The following ADGRF1 variants were observed in gnomAD, a reference collection of about 807,000 sequenced individuals.
The protein encoded by ADGRF1 is G protein-coupled receptor 110.
A neutral mutation model predicts 87.2 loss-of-function variants in ADGRF1; 85 were observed. The observed-to-expected ratio is 0.97, with a 90% CI of 0.82 to 1.17. The LOEUF is 1.17. Ranked by LOEUF, ADGRF1 falls within the 50% of genes most tolerant of loss-of-function variation. ADGRF1 has a pLI of 0.00. For synonymous variants in ADGRF1, 430 were observed against 408.8 expected, an observed-to-expected ratio of 1.05 and a Z score of -0.63; for missense variants, 1,169 against 1,077.2, an observed-to-expected ratio of 1.09 and a Z score of -1.19.
At chr6:47,024,022 C>T in intron 5 of ADGRF1, 22 bp downstream of exon 5, 2 of 1,607,924 alleles carry the variant, frequency 1.2e-6, no homozygotes, top group Non-Finnish European at 1.7e-6. Context: ...AGCCCCAGCC[C>T]AGAGCATTCT....
At chr6:47,041,500 G>A (rs757559321) in intron 1 of ADGRF1, among the ~76,000 whole-genome samples, 1 of 151,904 alleles carries the variant, frequency 6.6e-6, no homozygotes. Flanking sequence ...ACATTACATA[G>A]GCTATCAGGT....
chr6:47,023,976 A>G, intron 5 of ADGRF1, 68 bp downstream of exon 5: 2 of 1,380,894 alleles, frequency 1.4e-6, no homozygotes, highest in Non-Finnish European at 2.0e-6. Context: ...GACAATGAGC[A>G]AGCGTCCCCT....
In ADGRF1 at chr6:47,025,871, C is replaced by T; in HGVS notation, c.260G>A (p.Arg87Lys). ...CACCTTACCTGTGGTAGCCTTTGCT[C>T]TGATAATTCTAATTAGCCCATGTGA... ...LWSHGLIRII[R>K]AKATTDCNSL... is the part of the protein sequence containing the mutation. Residue 87 changes from arginine to lysine, a missense_variant, in exon 4 of 15, where the codon AGA (arginine) becomes AAA (lysine). Arg to Lys is a conservative substitution (Grantham distance 26, BLOSUM62 2). Transcript: ENST00000371253. The T allele has an allele frequency of 6.2e-7, 1 of 1,604,100 alleles. No individual in the cohort carries two copies. The highest frequency in any genetic ancestry group is 8.5e-7 in the Non-Finnish European group (1 of 1,175,212).
chr6:47,020,559 C>A, intron 7 of ADGRF1, 172 bp downstream of exon 7: 2 of 1,507,072 alleles, frequency 1.3e-6, no homozygotes, highest in South Asian at 1.3e-5. Context: ...CTAGGCTTTA[C>A]TCTTCAGACT....
intron 10 of ADGRF1, among the ~76,000 whole-genome samples, chr6:47,011,237 T>C (rs950429683): frequency 1.3e-5 from 2 of 152,258 alleles, no homozygotes; most frequent in Non-Finnish European, 2.9e-5. Flanking sequence ...GTATCTTTTC[T>C]TTAACTCAGG....
intron 11 of ADGRF1, among the ~76,000 whole-genome samples, chr6:47,008,636 A>G (rs1043987409): frequency 2.0e-5 from 3 of 152,096 alleles, no homozygotes; most frequent in African/African-American, 7.2e-5. Flanking sequence ...TCTCTGTTTA[A>G]TTTTTTCCCA....
intron 11 of ADGRF1, among the ~76,000 whole-genome samples, chr6:47,008,299 A>G (rs1321724538): frequency 6.6e-6 from 1 of 152,068 alleles, no homozygotes; most frequent in Admixed American, 6.6e-5. Flanking sequence ...TGCTTTGTCC[A>G]CCTCCTCTCT....
chr6:47,000,227 C>T lies in ADGRF1; in HGVS notation c.2728G>A (p.Glu910Lys), dbSNP rs1341954128. Residue 910 changes from glutamate to lysine, a missense_variant, in exon 15 of 15, where the codon GAA becomes AAA. Physicochemically the swap from Glu to Lys is moderately conservative, Grantham distance 56. Transcript: ENST00000371253. Reference protein sequence around the residue: ...NIMLTQFVSNE With the variant: ...NIMLTQFVSNK The stretch of plus-strand genomic sequence containing the variant: ...TGATTTTATGATTCCTTGCCTTATT[C>T]ATTTGAGACAAACTGAGTTAGCATG... 6.2e-7 allele frequency: 1 copy of T among 1,607,280 alleles called. No individual in the cohort carries two copies. The highest frequency in any genetic ancestry group is 2.2e-5 in the East Asian group (1 of 44,744).
chr6:47,001,491 T>G lies in ADGRF1; in HGVS notation c.2659+10A>C. On this transcript the variant is annotated intron_variant, in intron 14 of 14. Coordinates refer to ENST00000371253, the MANE Select transcript of ADGRF1 (RefSeq NM_153840.4). Reference sequence around the variant, plus strand: ...CACCTTTTATAACCTTTGGTTTTATTGTAACTCACCTTTGTTTTGCAGTGG... The same window carrying G: ...CACCTTTTATAACCTTTGGTTTTATGGTAACTCACCTTTGTTTTGCAGTGG... The G allele has an allele frequency of 1.2e-6, 2 of 1,612,414 alleles. No individual in the cohort carries two copies. The highest frequency in any genetic ancestry group is 1.7e-6 in the Non-Finnish European group (2 of 1,178,788).
At chr6:47,001,723 T>A (rs148993176) in intron 13 of ADGRF1, 156 bp from the exon 14 acceptor site, 9 of 598,442 alleles carry the variant, frequency 1.5e-5, no homozygotes, top group South Asian at 6.2e-5. Context: ...TTTCTCACTC[T>A]TTCTTCTGCT....
At chr6:47,020,623 G>T in intron 7 of ADGRF1, 108 bp downstream of exon 7, 4 of 1,563,576 alleles carry the variant, frequency 2.6e-6, no homozygotes, top group Non-Finnish European at 3.5e-6. Context: ...CTATAAAGAT[G>T]ACTTCTGTCC....
intron 7 of ADGRF1, chr6:47,018,290 A>G (rs1323791668): frequency 6.0e-6 from 5 of 840,010 alleles, no homozygotes; most frequent in Non-Finnish European, 8.0e-6. Context: ...GCAATAACTC[A>G]TGAGATAAGC....
chr6:47,008,783 T>C (rs1324087230), intron 11 of ADGRF1, among the ~76,000 whole-genome samples, 162 bp downstream of exon 11: 1 of 152,238 alleles, frequency 6.6e-6, no homozygotes, highest in Non-Finnish European at 1.5e-5. Flanking sequence ...AGTAACTAAG[T>C]AAGAAAAATA....
Position 47,015,360 on chromosome 6 carries a change from T to C in ADGRF1, c.764-516A>G, listed in dbSNP as rs369257099. On this transcript the variant is annotated intron_variant, in intron 8 of 14. Coordinates refer to ENST00000371253, the MANE Select transcript of ADGRF1 (RefSeq NM_153840.4). ...GCTAGCCTTTAATAATGCATTCTTATCATGATTGGAACTAGGAGATGGAAA... is the reference window on the plus strand; with the variant it reads ...GCTAGCCTTTAATAATGCATTCTTACCATGATTGGAACTAGGAGATGGAAA... 1.2e-4 allele frequency among the ~76,000 whole-genome samples: 18 copies of C among 152,250 alleles called. No individual in the cohort carries two copies. In the East Asian group the frequency reaches 3.3e-3, roughly 28 times the overall value.
intron 9 of ADGRF1, chr6:47,013,318 G>A (rs1779764686): frequency 2.0e-6 from 2 of 985,468 alleles, no homozygotes; most frequent in Non-Finnish European, 1.2e-6. Context: ...TTGAGGCAAC[G>A]AAGGCAAGAG....
intron 1 of ADGRF1, among the ~76,000 whole-genome samples, chr6:47,032,571 G>T (rs1780460757): frequency 6.6e-6 from 1 of 152,204 alleles, no homozygotes; most frequent in South Asian, 2.1e-4. Context: ...GTACTAGCCA[G>T]GGTCCTGTTC....
At chr6:47,027,661 GACACCAAAATCCACTGC>G (rs748228533) in intron 3 of ADGRF1, 26 bp downstream of exon 3, 1 of 1,408,076 alleles carries the variant, frequency 7.1e-7, no homozygotes, top group East Asian at 2.3e-5. Flanking sequence ...CTGGTCCCTT[GACACCAAAATCCACTGC>G]ACCATGCTGT....
At chr6:47,027,875 ATGG>A (rs903292583) in intron 2 of ADGRF1, 114 bp from the exon 3 acceptor site, 9 of 748,030 alleles carry the variant, frequency 1.2e-5, no homozygotes, top group African/African-American at 3.5e-5. Context: ...CAAGCCAGGG[ATGG>A]TGGAGAGGCG....
chr6:47,008,917 T>C lies in ADGRF1; in HGVS notation c.2490+28A>G, dbSNP rs1256918679. ...TCTACTTATTCCAATCACTTGACAATACAATAGGTTATTGTTACTGTTCTC... is the reference window on the plus strand; with the variant it reads ...TCTACTTATTCCAATCACTTGACAACACAATAGGTTATTGTTACTGTTCTC... On this transcript the variant is annotated intron_variant, in intron 11 of 14. Transcript: ENST00000371253. 14 of 1,542,244 alleles carry C rather than the reference T, an allele frequency of 9.1e-6. No homozygotes were observed. In the Middle Eastern group the frequency reaches 5.2e-4, roughly 58 times the overall value.
Sources: gnomAD v4.1 joint callset for allele counts (sites outside exome capture counted in the v4.1 genomes callset) on GRCh38, gnomAD v4.1.1 for gene constraint, MANE v1.5 for transcripts, NCBI Gene and HGNC (gene_info 2026-07-23, HGNC 2026-07-21) for gene names.